The following SH3RF3 variants were observed in gnomAD, a reference collection of about 807,000 sequenced individuals.
SH3RF3 encodes the protein SH3 domain containing ring finger 3.
Under a neutral mutation model 66.3 loss-of-function variants are expected in SH3RF3, and 29 were observed. That is an observed-to-expected ratio of 0.44 (90% confidence interval 0.33 to 0.60). The LOEUF (loss-of-function observed/expected upper bound fraction) is 0.60, where lower values mean the gene tolerates loss of function less well. Ranked by LOEUF, SH3RF3 falls within the 20% of genes least tolerant of loss-of-function variation. The pLI is 0.04. For missense variants in SH3RF3, 1,194 were observed against 1,190.9 expected (o/e 1.00, Z -0.04); for synonymous variants, 583 against 532.0 (o/e 1.10, Z -1.32).
chr2:109,376,771 C>A (rs1227907257), intron 3 of SH3RF3, among the ~76,000 whole-genome samples: 2 of 152,220 alleles, frequency 1.3e-5, no homozygotes, highest in Non-Finnish European at 2.9e-5. Flanking sequence ...CATGCCCTCA[C>A]CCCACACGTG....
At chr2:109,473,793 GC>G (rs1322092360) in intron 8 of SH3RF3, among the ~76,000 whole-genome samples, 1 of 146,766 alleles carries the variant, frequency 6.8e-6, no homozygotes, top group African/African-American at 2.5e-5. Flanking sequence ...AGGCCTCTGA[GC>G]CCCCCGTGCA....
intron 1 of SH3RF3, among the ~76,000 whole-genome samples, chr2:109,154,188 G>C (rs1464556945): frequency 6.6e-6 from 1 of 152,226 alleles, no homozygotes; most frequent in African/African-American, 2.4e-5. Context: ...GGGCTCAGCA[G>C]ATGGGTCTAA....
chr2:109,344,369 A>G (rs563173059), intron 1 of SH3RF3, among the ~76,000 whole-genome samples: 8 of 152,176 alleles, frequency 5.3e-5, no homozygotes, highest in East Asian at 3.9e-4. Context: ...AGGAAGTAGC[A>G]TGGAGCTCTG....
At chr2:109,252,117 G>A (rs535654955) in intron 1 of SH3RF3, among the ~76,000 whole-genome samples, 1 of 152,074 alleles carries the variant, frequency 6.6e-6, no homozygotes, top group East Asian at 1.9e-4. Context: ...GGTGTCACAG[G>A]CCTATAGTCT....
Position 109,129,560 on chromosome 2 carries a change from GGCTGTGCGCATCCAAGGCGGCCGCC to G in SH3RF3, c.25_49del (p.Cys9LeufsTer253). 1.3e-6 allele frequency: 2 copies of G among 1,491,134 alleles called. No individual in the cohort carries two copies. The highest frequency in any genetic ancestry group is 1.8e-6 in the Non-Finnish European group (2 of 1,128,374). 92.4% of individuals were successfully genotyped at this position (1,491,134 alleles called of 1,614,324 possible). A position where few individuals can be genotyped will look rare whatever the true frequency, so the allele number is the denominator to read the frequency against. ...TCCCCCATGCTGCTCGGAGCGTCCT[GGCTGTGCGCATCCAAGGCGGCCGCC>G]GCTGCTGCGCAGAGCGAGGGCGACG... On this transcript the variant is annotated frameshift_variant, in exon 1 of 10. Transcript: ENST00000309415. LOFTEE classifies it high-confidence loss of function.
chr2:109,273,706 T>A (rs1680678628), intron 1 of SH3RF3, among the ~76,000 whole-genome samples: 1 of 152,180 alleles, frequency 6.6e-6, no homozygotes, highest in Non-Finnish European at 1.5e-5. Flanking sequence ...ACGCATGAGA[T>A]CTATCACGTT....
chr2:109,267,092 T>G (rs1680514150), intron 1 of SH3RF3, among the ~76,000 whole-genome samples: 1 of 152,164 alleles, frequency 6.6e-6, no homozygotes, highest in Non-Finnish European at 1.5e-5. Context: ...CCTGAATGCC[T>G]CTGGTCTCTG....
intron 1 of SH3RF3, among the ~76,000 whole-genome samples, chr2:109,285,118 C>T (rs1419559530): frequency 6.6e-6 from 1 of 152,202 alleles, no homozygotes. Context: ...CTGGAAAGAG[C>T]CCAGGGTCTG....
intron 4 of SH3RF3, among the ~76,000 whole-genome samples, chr2:109,411,530 C>T (rs146332154): frequency 1.3e-3 from 198 of 152,346 alleles, no homozygotes; most frequent in Admixed American, 3.3e-3. Flanking sequence ...TCCGTAGCAA[C>T]AGAGACCAGA....
chr2:109,159,565 CTGT>C (rs765181241), intron 1 of SH3RF3, among the ~76,000 whole-genome samples: 1 of 152,204 alleles, frequency 6.6e-6, no homozygotes, highest in Non-Finnish European at 1.5e-5. Flanking sequence ...AGAAATCTGG[CTGT>C]TATTTATGAC....
intron 1 of SH3RF3, among the ~76,000 whole-genome samples, chr2:109,199,082 AG>A (rs578203715): frequency 1.2e-3 from 176 of 152,164 alleles, no homozygotes; most frequent in Non-Finnish European, 2.3e-3. Flanking sequence ...TTGGGGGTCC[AG>A]GCATGGTGGT....
chr2:109,443,770 A>G (rs1465878071), intron 7 of SH3RF3, among the ~76,000 whole-genome samples: 1 of 152,248 alleles, frequency 6.6e-6, no homozygotes, highest in African/African-American at 2.4e-5. Context: ...TAAAGGTACA[A>G]GGAGAAATAA....
intron 1 of SH3RF3, among the ~76,000 whole-genome samples, chr2:109,269,585 A>G (rs1294498039): frequency 1.3e-5 from 2 of 152,220 alleles, no homozygotes; most frequent in Non-Finnish European, 2.9e-5. Context: ...GTTGGAGACT[A>G]GCCTGGCCAA....
At chr2:109,192,351 C>T (rs538667412) in intron 1 of SH3RF3, among the ~76,000 whole-genome samples, 2 of 152,140 alleles carry the variant, frequency 1.3e-5, no homozygotes, top group Non-Finnish European at 2.9e-5. Context: ...TTAAAAACCT[C>T]TTCTTTTGAG....
chr2:109,305,469 C>G (rs1361056231), intron 1 of SH3RF3, among the ~76,000 whole-genome samples: 1 of 152,160 alleles, frequency 6.6e-6, no homozygotes, highest in Admixed American at 6.5e-5. Context: ...CCTGGAGGCT[C>G]AAGGAGCACC....
chr2:109,465,616 C>T (rs1225796586), intron 8 of SH3RF3, among the ~76,000 whole-genome samples: 6 of 152,154 alleles, frequency 3.9e-5, no homozygotes, highest in Non-Finnish European at 8.8e-5. Flanking sequence ...TAAAGAAATA[C>T]CTGAGACTGG....
chr2:109,312,515 T>C (rs556744150), intron 1 of SH3RF3, among the ~76,000 whole-genome samples: 1 of 151,746 alleles, frequency 6.6e-6, no homozygotes, highest in South Asian at 2.1e-4. Flanking sequence ...TCTCTACCCA[T>C]CAGCAGCCAC....
chr2:109,315,059 A>G (rs1432550176), intron 1 of SH3RF3, among the ~76,000 whole-genome samples: 1 of 152,260 alleles, frequency 6.6e-6, no homozygotes, highest in Non-Finnish European at 1.5e-5. Flanking sequence ...AAGAGCCCAT[A>G]CACGACACGT....
intron 3 of SH3RF3, among the ~76,000 whole-genome samples, chr2:109,382,925 C>T (rs546194119): frequency 8.5e-5 from 13 of 152,268 alleles, no homozygotes; most frequent in African/African-American, 3.1e-4. Context: ...ATGTGTGGAC[C>T]ACGCTCTTCC....
Sources: allele counts gnomAD v4.1 joint callset (sites outside exome capture counted in the v4.1 genomes callset), GRCh38; gene constraint gnomAD v4.1.1; transcripts MANE v1.5; gene names NCBI Gene and HGNC (gene_info 2026-07-23, HGNC 2026-07-21).